Variants in CDH3 observed in about 807,000 individuals in gnomAD.
The protein encoded by CDH3 is cadherin-3.
In CDH3, 54 loss-of-function variants were observed where a neutral mutation model predicts 82.0. The ratio of observed to expected loss-of-function variants is 0.66; its 90% CI spans 0.53 to 0.83. The LOEUF is 0.83. CDH3 is among the 40% of genes least tolerant of loss of function. The pLI, the probability that CDH3 is intolerant of heterozygous loss-of-function variation, is 0.00. For synonymous variants in CDH3, 446 were observed against 437.9 expected (o/e 1.02, Z -0.23); for missense variants, 1,054 against 1,084.6 (o/e 0.97, Z 0.40).
chr16:68,728,822 G>C (rs2152112101), downstream of CDH3, among the ~76,000 whole-genome samples: 1 of 152,274 alleles, frequency 6.6e-6, no homozygotes. Flanking sequence ...CATCCTGAAA[G>C]TGAATCAGCA....
At chr16:68,708,705 A>C (rs1366206939) in intron 1 of CDH3, among the ~76,000 whole-genome samples, 1 of 149,912 alleles carries the variant, frequency 6.7e-6, no homozygotes, top group Non-Finnish European at 1.5e-5. Flanking sequence ...GTACAGCGGC[A>C]TGATCTCAGC....
intron 2 of CDH3, among the ~76,000 whole-genome samples, chr16:68,654,054 T>A (rs1035518349): frequency 6.8e-6 from 1 of 146,644 alleles, no homozygotes; most frequent in Non-Finnish European, 1.5e-5. Flanking sequence ...GATTTATTTG[T>A]TCTTAATTTT....
chr16:68,682,597 C>A, intron 9 of CDH3, 110 bp downstream of exon 9: 1 of 959,376 alleles, frequency 1.0e-6, no homozygotes, highest in Non-Finnish European at 1.7e-6. Flanking sequence ...ATCGTACCAG[C>A]CCAGTGGCTC....
In CDH3 at chr16:68,698,634, G is replaced by A; in HGVS notation, c.*234G>A. On this transcript the variant is annotated 3_prime_UTR_variant, in exon 16 of 16. Coordinates refer to ENST00000264012, the MANE Select transcript of CDH3 (RefSeq NM_001793.6). ...AAACCTCTCCACCTGGGCCAGGGTT[G>A]CCTCAGAGGCCAAGTTTCCAGAAGC... is the stretch of plus-strand genomic sequence containing the variant. 1 of 567,586 alleles carries A rather than the reference G, an allele frequency of 1.8e-6. No homozygotes were observed. The allele number at this position is 567,586 out of a possible 1,614,324, so 35.2% of individuals were successfully genotyped here.
chr16:68,723,142 C>A (rs916467841), intron 2 of CDH3, among the ~76,000 whole-genome samples: 10 of 151,046 alleles, frequency 6.6e-5, no homozygotes, highest in Non-Finnish European at 1.0e-4. Flanking sequence ...AATAATATAG[C>A]GAATAATTAT....
intron 2 of CDH3, among the ~76,000 whole-genome samples, chr16:68,659,700 A>AT (rs1414385957): frequency 6.6e-6 from 1 of 152,156 alleles, no homozygotes; most frequent in Non-Finnish European, 1.5e-5. Flanking sequence ...AAACCAAAAA[A>AT]TAAATAAAGA....
At chr16:68,658,133 C>G (rs1385574691) in intron 2 of CDH3, among the ~76,000 whole-genome samples, 1 of 148,692 alleles carries the variant, frequency 6.7e-6, no homozygotes, top group African/African-American at 2.5e-5. Context: ...CTCCTGGCCT[C>G]AAGTGATCCA....
chr16:68,667,196 C>G (rs748374255), intron 2 of CDH3, among the ~76,000 whole-genome samples: 28 of 152,174 alleles, frequency 1.8e-4, no homozygotes, highest in Non-Finnish European at 3.7e-4. Context: ...CAAGTCACTT[C>G]CACCTACTTT....
At chr16:68,710,952 AGGGGAGGGGAGGGGAAGGAGG>A (rs1299911671) in intron 1 of CDH3, among the ~76,000 whole-genome samples, 4 of 99,494 alleles carry the variant, frequency 4.0e-5, no homozygotes, top group African/African-American at 1.2e-4. Context: ...AGGGGAGGAG[AGGGGAGGGGAGGGGAAGGAGG>A]GGGGAGGGGG....
chr16:68,682,157 T>C (rs1387280233), intron 8 of CDH3, 145 bp from the exon 9 acceptor site: 3 of 822,550 alleles, frequency 3.6e-6, no homozygotes, highest in African/African-American at 1.7e-5. Flanking sequence ...CCGCTGTGTA[T>C]ACCCTGAAAC....
At chr16:68,706,080 A>T (rs1402314986) in intron 1 of CDH3, among the ~76,000 whole-genome samples, 1 of 151,684 alleles carries the variant, frequency 6.6e-6, no homozygotes, top group East Asian at 1.9e-4. Context: ...AAAAAAAAAA[A>T]AAAGAGCCCA....
intron 12 of CDH3, among the ~76,000 whole-genome samples, chr16:68,689,533 C>A (rs1961505719): frequency 7.5e-6 from 1 of 133,220 alleles, no homozygotes. Context: ...GAGACTCTGT[C>A]TCAGAAAAAT....
At chr16:68,709,506 T>A (rs1373267346) in intron 1 of CDH3, among the ~76,000 whole-genome samples, 1 of 152,180 alleles carries the variant, frequency 6.6e-6, no homozygotes, top group Non-Finnish European at 1.5e-5. Flanking sequence ...TCACCCAGGC[T>A]GGAGTACAGT....
At chr16:68,650,895 G>T (rs115807851) in intron 2 of CDH3, among the ~76,000 whole-genome samples, 1 of 149,940 alleles carries the variant, frequency 6.7e-6, no homozygotes, top group Admixed American at 6.7e-5. Flanking sequence ...ATCCCATGAC[G>T]CCACTCACAG....
At position 68,698,794 on chromosome 16, in the gene CDH3, A is replaced by G. The variant is rs1411394433; in HGVS notation, c.*394A>G. The G allele has an allele frequency of 9.8e-6, 2 of 203,944 alleles. No individual in the cohort carries two copies. Among genetic ancestry groups the G allele is most frequent in the Non-Finnish European group, 9.9e-6 (1 of 100,710 alleles). The allele number at this position is 203,944 out of a possible 1,614,324, so 12.6% of individuals were successfully genotyped here. On this transcript the variant is annotated 3_prime_UTR_variant, in exon 16 of 16. Transcript: ENST00000264012. ...CAACTTAATTTTTTTTTTTAATGCT[A>G]TCTTCAAAACGTTAGAGAAAGTTCT...
intron 2 of CDH3, among the ~76,000 whole-genome samples, chr16:68,725,569 C>G (rs4783567): frequency 0.85 from 129,298 of 151,780 alleles, 55,343 homozygotes; most frequent in Non-Finnish European, 0.89. Context: ...TCCTGACCTC[C>G]TGATCCACCC....
chr16:68,684,127 A>G (rs1481122007), intron 9 of CDH3, among the ~76,000 whole-genome samples: 1 of 150,900 alleles, frequency 6.6e-6, no homozygotes, highest in Non-Finnish European at 1.5e-5. Context: ...GCTACCCAGG[A>G]GGCTGAAGTG....
chr16:68,680,630 G>A (rs535390049), intron 7 of CDH3, among the ~76,000 whole-genome samples: 2 of 152,196 alleles, frequency 1.3e-5, no homozygotes, highest in African/African-American at 4.8e-5. Flanking sequence ...AGTGAGCCAA[G>A]ATCACGCCAC....
intron 2 of CDH3, among the ~76,000 whole-genome samples, chr16:68,662,778 C>A (rs1230045515): frequency 6.6e-6 from 1 of 151,228 alleles, no homozygotes; most frequent in African/African-American, 2.4e-5. Context: ...GATCTCCTGA[C>A]CTCGTGATCC....
Sources: gnomAD v4.1 joint callset for allele counts (sites outside exome capture counted in the v4.1 genomes callset) on GRCh38, gnomAD v4.1.1 for gene constraint, MANE v1.5 for transcripts, NCBI Gene and HGNC (gene_info 2026-07-23, HGNC 2026-07-21) for gene names.